The following EPS8 variants were observed in gnomAD, a reference collection of about 807,000 sequenced individuals.
EPS8 encodes EGFR pathway substrate 8, signaling adaptor.
Under a neutral mutation model 103.8 loss-of-function variants are expected in EPS8, and 42 were observed. That is an observed-to-expected ratio of 0.40 (90% confidence interval 0.32 to 0.52). The LOEUF (loss-of-function observed/expected upper bound fraction) is 0.52. EPS8 is among the 20% of genes least tolerant of loss of function. EPS8 has a pLI of 0.40. For synonymous variants in EPS8, 344 were observed against 344.6 expected, an observed-to-expected ratio of 1.00 and a Z score of 0.02; for missense variants, 969 against 1,005.1, an observed-to-expected ratio of 0.96 and a Z score of 0.49.
chr12:15,788,790 T>C (rs1434318392), intron 1 of EPS8, among the ~76,000 whole-genome samples: 3 of 152,160 alleles, frequency 2.0e-5, no homozygotes, highest in Non-Finnish European at 4.4e-5. Context: ...TCTAACGTAA[T>C]AAGCCGAGAT....
At chr12:15,726,012 C>T (rs1033567527) in intron 1 of EPS8, among the ~76,000 whole-genome samples, 8 of 152,118 alleles carry the variant, frequency 5.3e-5, no homozygotes, top group Admixed American at 2.0e-4. Context: ...AAAAATCATA[C>T]TTAAATATAA....
chr12:15,691,390 A>T (rs1364849329), intron 1 of EPS8, among the ~76,000 whole-genome samples: 1 of 152,106 alleles, frequency 6.6e-6, no homozygotes, highest in Non-Finnish European at 1.5e-5. Context: ...ATAAAAAAAA[A>T]TTAACAAAAA....
intron 1 of EPS8, among the ~76,000 whole-genome samples, chr12:15,703,847 GTTTTTTTTTTTTTT>G (rs58735135): frequency 4.9e-5 from 3 of 61,234 alleles, no homozygotes; most frequent in Non-Finnish European, 5.6e-5. Context: ...CTATGTATTT[GTTTTTTTTTTTTTT>G]TTTTTTTTTG....
In EPS8 at chr12:15,696,573, G is replaced by A. The variant is rs539500531; in HGVS notation, c.-21-13601C>T. 2.6e-4 allele frequency among the ~76,000 whole-genome samples: 40 copies of A among 152,072 alleles called. No homozygotes were observed. The highest frequency in any genetic ancestry group is 1.1e-3 in the Admixed American group (17 of 15,260). On this transcript the variant is annotated intron_variant, in intron 1 of 20. Coordinates refer to ENST00000281172, the MANE Select transcript of EPS8 (RefSeq NM_004447.6). This position sits in a 1 kb window ranked among gnomAD's most constrained non-coding sequence, Gnocchi z 4.8. Reference sequence around the variant, plus strand: ...GAAGAATTGCTTGAACCCAGGAGGCGGAGGTTGCAGTGAGCCAAGATCGCA... The same window carrying A: ...GAAGAATTGCTTGAACCCAGGAGGCAGAGGTTGCAGTGAGCCAAGATCGCA...
At chr12:15,668,425 T>C (rs1273990764) in intron 6 of EPS8, among the ~76,000 whole-genome samples, 1 of 152,228 alleles carries the variant, frequency 6.6e-6, no homozygotes, top group Non-Finnish European at 1.5e-5. Flanking sequence ...CATCAAAATG[T>C]TAAATCACTG....
At chr12:15,677,168 G>C (rs1945922758) in intron 3 of EPS8, among the ~76,000 whole-genome samples, 1 of 152,182 alleles carries the variant, frequency 6.6e-6, no homozygotes. Context: ...GACAGAAAGT[G>C]ACTCTCCAGT....
intron 16 of EPS8, 126 bp from the exon 17 acceptor site, chr12:15,640,972 T>C: frequency 6.9e-6 from 5 of 720,120 alleles, no homozygotes; most frequent in Non-Finnish European, 9.2e-6. Flanking sequence ...AACATAGTGT[T>C]GATTGAATGA....
chr12:15,712,540 T>C (rs1044770263), intron 1 of EPS8, among the ~76,000 whole-genome samples: 5 of 152,220 alleles, frequency 3.3e-5, no homozygotes, highest in African/African-American at 1.2e-4. Flanking sequence ...AACAGACCTC[T>C]TCTTAGCTAT....
At position 15,697,690 on chromosome 12, in the gene EPS8, A is replaced by G. The variant is rs576737202; in HGVS notation, c.-21-14718T>C. On this transcript the variant is annotated intron_variant, in intron 1 of 20. Coordinates refer to ENST00000281172, the MANE Select transcript of EPS8 (RefSeq NM_004447.6). The surrounding 1 kb of genome is among the most constrained non-coding windows in gnomAD (Gnocchi z 5.6). ...ATGACCTCTAAAAAGAACTACATGG[A>G]TTTTTTTCTTCTTTTGCCAAAAATT... 1.1e-3 allele frequency among the ~76,000 whole-genome samples: 170 copies of G among 152,256 alleles called. No homozygotes were observed. Among genetic ancestry groups the G allele is most frequent in the Non-Finnish European group, 1.8e-3 (122 of 68,010 alleles).
Position 15,698,749 on chromosome 12 carries a change from G to A in EPS8, c.-21-15777C>T, listed in dbSNP as rs1197428306. On this transcript the variant is annotated intron_variant, in intron 1 of 20. Coordinates refer to ENST00000281172, the MANE Select transcript of EPS8 (RefSeq NM_004447.6). The surrounding 1 kb of genome is among the most constrained non-coding windows in gnomAD (Gnocchi z 4.9). Reference sequence around the variant, plus strand: ...TGCCAGTTTGAAATTTAGGAGATAGGAGATTCAGTGTTTACAAGAATGGTG... The same window carrying A: ...TGCCAGTTTGAAATTTAGGAGATAGAAGATTCAGTGTTTACAAGAATGGTG... Among the ~76,000 whole-genome samples, 1 of 152,068 alleles carries A rather than the reference G, an allele frequency of 6.6e-6. No individual in the cohort carries two copies. The highest frequency in any genetic ancestry group is 2.4e-5 in the African/African-American group (1 of 41,386).
chr12:15,692,317 TG>T (rs1447747053), intron 1 of EPS8, among the ~76,000 whole-genome samples: 21 of 68,262 alleles, frequency 3.1e-4, no homozygotes, highest in African/African-American at 6.9e-4. Context: ...GAAAGAGGTT[TG>T]GTTTTTTTTT....
Position 15,640,736 on chromosome 12 carries a change from C to A in EPS8, c.1788G>T (p.Gly596=), listed in dbSNP as rs150318203. The stretch of plus-strand genomic sequence containing the variant: ...TATGAGTATAAGGTGGATCAGCACG[C>A]CCCAATCCAGATTCTGGAGGTCTCA... ...DIVRPPESGL[G]RADPPYTHTI... The change falls in exon 17 of 21, where the codon GGG becomes GGT. Residue 596 remains glycine (G), a synonymous_variant. Transcript: ENST00000281172. 1,243 of 1,613,868 alleles carry A rather than the reference C, an allele frequency of 7.7e-4. 5 individuals are homozygous for A. The highest frequency in any genetic ancestry group is 4.6e-4 in the Non-Finnish European group (539 of 1,179,800).
At chr12:15,625,689 C>T (rs757157272) in intron 18 of EPS8, among the ~76,000 whole-genome samples, 10 of 152,124 alleles carry the variant, frequency 6.6e-5, no homozygotes, top group Admixed American at 3.9e-4. Flanking sequence ...CTCCAGGATA[C>T]CACAGTCTCC....
At chr12:15,783,253 A>T (rs1261790548) in intron 1 of EPS8, among the ~76,000 whole-genome samples, 1 of 152,212 alleles carries the variant, frequency 6.6e-6, no homozygotes, top group Non-Finnish European at 1.5e-5. Flanking sequence ...TTTTCCTAAT[A>T]AAATTTTCTT....
intron 16 of EPS8, among the ~76,000 whole-genome samples, 154 bp downstream of exon 16, chr12:15,641,568 T>C (rs1356538818): frequency 6.6e-6 from 1 of 151,848 alleles, no homozygotes; most frequent in Admixed American, 6.6e-5. Flanking sequence ...TTAGAAGGAG[T>C]ATCTATATAC....
rs142357467 is a variant in EPS8, at chr12:15,703,476, T to C, written c.-21-20504A>G. On this transcript the variant is annotated intron_variant, in intron 1 of 20. Coordinates refer to ENST00000281172, the MANE Select transcript of EPS8 (RefSeq NM_004447.6). Reference sequence around the variant, plus strand: ...ACCAGTTGGTACAGGTACAGGTAATTAGAGAACATTCCAGACATATACAAA... The same window carrying C: ...ACCAGTTGGTACAGGTACAGGTAATCAGAGAACATTCCAGACATATACAAA... Among the ~76,000 whole-genome samples, 706 of 152,150 alleles carry C rather than the reference T, an allele frequency of 4.6e-3. 10 individuals are homozygous for C. The highest frequency in any genetic ancestry group is 0.016 in the African/African-American group (677 of 41,500).
chr12:15,772,694 T>C lies in EPS8; in HGVS notation c.-22+16467A>G, dbSNP rs1947166752. 6.6e-6 allele frequency among the ~76,000 whole-genome samples: 1 copy of C among 152,110 alleles called. No homozygotes were observed. The highest frequency in any genetic ancestry group is 1.5e-5 in the Non-Finnish European group (1 of 68,004). On this transcript the variant is annotated intron_variant, in intron 1 of 20. Coordinates refer to ENST00000281172, the MANE Select transcript of EPS8 (RefSeq NM_004447.6). This position sits in a 1 kb window ranked among gnomAD's most constrained non-coding sequence, Gnocchi z 5.0. ...GAGCTTCTGAATCAACATCTAAGTGTAGATGGGTAACAAAGCAGAGGTAGA... is the reference window on the plus strand; with the variant it reads ...GAGCTTCTGAATCAACATCTAAGTGCAGATGGGTAACAAAGCAGAGGTAGA...
chr12:15,749,798 A>G lies in EPS8; in HGVS notation c.-22+39363T>C, dbSNP rs1946912722. The stretch of plus-strand genomic sequence containing the variant: ...TCTTCTTTATTTTCTGTTTTCTAAC[A>G]TTAGTTAGGGAATATTAGTTGTGCT... On this transcript the variant is annotated intron_variant, in intron 1 of 20. Transcript: ENST00000281172. The surrounding 1 kb of genome is among the most constrained non-coding windows in gnomAD (Gnocchi z 4.0). Among the ~76,000 whole-genome samples, 1 of 152,210 alleles carries G rather than the reference A, an allele frequency of 6.6e-6. No homozygotes were observed. Among genetic ancestry groups the G allele is most frequent in the South Asian group, 2.1e-4 (1 of 4,838 alleles).
At chr12:15,652,299 T>C (rs1591821595) in intron 13 of EPS8, among the ~76,000 whole-genome samples, 1 of 152,050 alleles carries the variant, frequency 6.6e-6, no homozygotes, top group Non-Finnish European at 1.5e-5. Flanking sequence ...TGAGGCAGGG[T>C]TGCAGGGGGA....
Sources: gnomAD v4.1 joint callset for allele counts (sites outside exome capture counted in the v4.1 genomes callset) on GRCh38, gnomAD v4.1.1 for gene constraint, Gnocchi (gnomAD v3.1) non-coding constraint, MANE v1.5 for transcripts, NCBI Gene and HGNC (gene_info 2026-07-23, HGNC 2026-07-21) for gene names.